Variants in CD226 observed in about 807,000 individuals in gnomAD.
CD226 encodes CD226 antigen.
A neutral mutation model predicts 34.9 loss-of-function variants in CD226; 24 were observed. The observed-to-expected ratio is 0.69, with a 90% CI of 0.50 to 0.97. CD226 has a LOEUF of 0.97. CD226 is among the 50% of genes least tolerant of loss of function. CD226 has a pLI of 0.00. For synonymous variants in CD226, 148 were observed against 147.4 expected, an observed-to-expected ratio of 1.00 and a Z score of -0.03; for missense variants, 397 against 412.7, an observed-to-expected ratio of 0.96 and a Z score of 0.33.
upstream of CD226, among the ~76,000 whole-genome samples, chr18:69,949,094 T>C (rs558288762): frequency 2.6e-5 from 4 of 152,198 alleles, no homozygotes; most frequent in East Asian, 7.7e-4. Flanking sequence ...AAAATGAGAC[T>C]GAGTCTGGAC....
At chr18:69,956,135 C>T (rs1488817530) in intron 1 of CD226, among the ~76,000 whole-genome samples, 1 of 152,220 alleles carries the variant, frequency 6.6e-6, no homozygotes, top group Non-Finnish European at 1.5e-5. Context: ...AAACTATGGC[C>T]TGAGGGCTGG....
rs1982625978 is a variant in CD226, at chr18:69,856,903, T to A, written c.*7411A>T. Reference sequence around the variant, plus strand: ...AACTAAGGAGGCCGGGCGCGGTGGCTCACTCCTGTAATCCCAGCACGTTGG... The same window carrying A: ...AACTAAGGAGGCCGGGCGCGGTGGCACACTCCTGTAATCCCAGCACGTTGG... On this transcript the variant is annotated 3_prime_UTR_variant, in exon 6 of 6. Transcript: ENST00000582621. The A allele has an allele frequency of 6.6e-6, 1 of 152,198 alleles. No homozygotes were observed. Among genetic ancestry groups the A allele is most frequent in the African/African-American group, 2.4e-5 (1 of 41,442 alleles). The allele number at this position is 152,198 out of a possible 1,614,324, so 9.4% of individuals were successfully genotyped here.
rs1006763609 is a variant in CD226, at chr18:69,854,328, C to T, written c.*9986G>A. 4 of 152,220 alleles carry T rather than the reference C, an allele frequency of 2.6e-5. No individual in the cohort carries two copies. Among genetic ancestry groups the T allele is most frequent in the Admixed American group, 2.6e-4 (4 of 15,272 alleles). 9.4% of individuals were successfully genotyped at this position (152,220 alleles called of 1,614,324 possible). ...ACTGGAGCCATAAACTAGTATGAGC[C>T]TTTATATGGTAAGTTGGGTGAATTG... On this transcript the variant is annotated 3_prime_UTR_variant, in exon 6 of 6. Transcript: ENST00000582621.
intron 3 of CD226, among the ~76,000 whole-genome samples, chr18:69,878,964 G>T (rs1182732666): frequency 2.0e-5 from 3 of 152,144 alleles, no homozygotes; most frequent in Non-Finnish European, 4.4e-5. Flanking sequence ...TTTTAAAGCT[G>T]GGTGTCTAGG....
At chr18:69,886,710 AAAAAATAAAAAT>A (rs1295445999) in intron 3 of CD226, among the ~76,000 whole-genome samples, 1 of 152,052 alleles carries the variant, frequency 6.6e-6, no homozygotes, top group African/African-American at 2.4e-5. Flanking sequence ...TGTCTCAAAA[AAAAAATAAAAAT>A]AAAAATAAAA....
chr18:69,930,997 C>T (rs537296788), intron 2 of CD226, among the ~76,000 whole-genome samples: 19 of 152,128 alleles, frequency 1.2e-4, no homozygotes, highest in East Asian at 5.8e-4. Flanking sequence ...TGTCCAACAA[C>T]GATAGACTGG....
At position 69,917,728 on chromosome 18, in the gene CD226, G is replaced by A. The variant is rs114937245; in HGVS notation, c.383-21683C>T. ...ATTGTGAACTTCAGGTATGACCTGC[G>A]TTATGTGTATAAATATATCTTTAAG... is the stretch of plus-strand genomic sequence containing the variant. On this transcript the variant is annotated intron_variant, in intron 2 of 5. Coordinates refer to ENST00000582621, the MANE Select transcript of CD226 (RefSeq NM_001303618.2). Among the ~76,000 whole-genome samples the A allele has an allele frequency of 7.8e-3, 1,188 of 152,254 alleles. 18 individuals are homozygous for A. Among genetic ancestry groups the A allele is most frequent in the African/African-American group, 0.027 (1,125 of 41,552 alleles).
At chr18:69,923,806 T>C (rs909119696) in intron 2 of CD226, among the ~76,000 whole-genome samples, 2 of 151,796 alleles carry the variant, frequency 1.3e-5, no homozygotes, top group Non-Finnish European at 2.9e-5. Context: ...TACAAAAAAT[T>C]AGCCGGGCGT....
chr18:69,872,058 GT>G (rs1983560819), intron 4 of CD226, among the ~76,000 whole-genome samples: 1 of 688 alleles, frequency 1.5e-3, no homozygotes, highest in Non-Finnish European at 0.045. Flanking sequence ...TTAACAAGGG[GT>G]GTGTGTGTGT....
At chr18:69,902,587 C>A (rs894951716) in intron 2 of CD226, among the ~76,000 whole-genome samples, 1 of 151,146 alleles carries the variant, frequency 6.6e-6, no homozygotes, top group Non-Finnish European at 1.5e-5. Context: ...TGTGTTGTGC[C>A]CCCAGGAGTC....
intron 2 of CD226, among the ~76,000 whole-genome samples, chr18:69,896,579 C>T (rs1267805905): frequency 6.6e-6 from 1 of 152,118 alleles, no homozygotes; most frequent in Non-Finnish European, 1.5e-5. Flanking sequence ...TGATTGTTCA[C>T]ACATAGTTCC....
chr18:69,901,035 C>G (rs1462933938), intron 2 of CD226, among the ~76,000 whole-genome samples: 1 of 152,108 alleles, frequency 6.6e-6, no homozygotes, highest in African/African-American at 2.4e-5. Flanking sequence ...ATAATCAAAC[C>G]TGATGCTAAT....
At chr18:69,907,386 G>C (rs1417357439) in intron 2 of CD226, among the ~76,000 whole-genome samples, 1 of 152,126 alleles carries the variant, frequency 6.6e-6, no homozygotes, top group African/African-American at 2.4e-5. Context: ...ATGGTATCTT[G>C]ACTCAGCACC....
chr18:69,895,993 T>C lies in CD226; in HGVS notation c.435A>G (p.Gly145=). 1 of 1,613,592 alleles carries C rather than the reference T, an allele frequency of 6.2e-7. No individual in the cohort carries two copies. Among genetic ancestry groups the C allele is most frequent in the South Asian group, 1.1e-5 (1 of 91,078 alleles). The change falls in exon 3 of 6, where the codon GGA becomes GGG. Residue 145 remains glycine, a synonymous_variant. Coordinates refer to ENST00000582621, the MANE Select transcript of CD226 (RefSeq NM_001303618.2). ...GCTGACAAGTGAGTGTGACATTCTTTCCAGGTTCCGAAACAATGTGGCTAT... is the reference window on the plus strand; with the variant it reads ...GCTGACAAGTGAGTGTGACATTCTTCCCAGGTTCCGAAACAATGTGGCTAT... ...PSNSHIVSEP[G]KNVTLTCQPQ...
upstream of CD226, among the ~76,000 whole-genome samples, chr18:69,959,558 C>T (rs2055919870): frequency 6.6e-6 from 1 of 152,192 alleles, no homozygotes; most frequent in Non-Finnish European, 1.5e-5. Context: ...CAAGCATTTG[C>T]TCTGCCTTTC....
upstream of CD226, among the ~76,000 whole-genome samples, chr18:69,948,295 A>G (rs1186969817): frequency 6.6e-6 from 1 of 152,218 alleles, no homozygotes; most frequent in Non-Finnish European, 1.5e-5. Context: ...ACAAGTTCCA[A>G]TTCTTAAGAA....
intron 1 of CD226, 114 bp from the exon 2 acceptor site, chr18:69,947,183 C>T: frequency 1.0e-6 from 1 of 1,003,110 alleles, no homozygotes; most frequent in South Asian, 1.6e-5. Context: ...CTGACAGTTT[C>T]TGCCTTTGTC....
chr18:69,941,422 T>G (rs1444481821), intron 2 of CD226, among the ~76,000 whole-genome samples: 2 of 152,222 alleles, frequency 1.3e-5, no homozygotes, highest in South Asian at 2.1e-4. Context: ...GTACCCTGCA[T>G]AGCCAGAGGG....
upstream of CD226, among the ~76,000 whole-genome samples, chr18:69,960,693 G>T (rs771109385): frequency 6.6e-6 from 1 of 152,188 alleles, no homozygotes; most frequent in Admixed American, 6.5e-5. Flanking sequence ...CAAGTGATCC[G>T]CCTGCCTCGG....
Sources: gnomAD v4.1 joint callset for allele counts (sites outside exome capture counted in the v4.1 genomes callset) on GRCh38, gnomAD v4.1.1 for gene constraint, MANE v1.5 for transcripts, NCBI Gene and HGNC (gene_info 2026-07-23, HGNC 2026-07-21) for gene names.